The following POU2F1 variants were observed in gnomAD, a reference collection of about 807,000 sequenced individuals.
POU2F1 encodes the protein POU domain, class 2, transcription factor 1.
POU2F1 carries 16 observed loss-of-function variants against 84.9 expected under a neutral mutation model. That is an observed-to-expected ratio of 0.19 (90% CI 0.13 to 0.29). The LOEUF is 0.29. POU2F1 is among the 10% of genes least tolerant of loss of function. POU2F1 has a pLI of 1.00. For synonymous variants in POU2F1, 368 were observed against 368.3 expected (o/e 1.00, Z 0.01); for missense variants, 738 against 942.6 (o/e 0.78, Z 2.84).
intron 2 of POU2F1, among the ~76,000 whole-genome samples, chr1:167,364,355 C>T (rs976992385): frequency 6.6e-6 from 1 of 150,538 alleles, no homozygotes; most frequent in Non-Finnish European, 1.5e-5. Flanking sequence ...ACGGTGAAAC[C>T]CCGTCTCTAC....
At chr1:167,369,099 CT>C (rs907188303) in intron 3 of POU2F1, among the ~76,000 whole-genome samples, 1 of 152,152 alleles carries the variant, frequency 6.6e-6, no homozygotes, top group African/African-American at 2.4e-5. Flanking sequence ...TTTATAGTCT[CT>C]TTCTCCCTCC....
chr1:167,240,258 A>G lies in POU2F1; in HGVS notation c.61+19300A>G, dbSNP rs1649801899. Among the ~76,000 whole-genome samples the G allele has an allele frequency of 2.0e-5, 3 of 152,236 alleles. No individual in the cohort carries two copies. The South Asian group carries it at 6.2e-4, about 32-fold the overall frequency. On this transcript the variant is annotated intron_variant, in intron 1 of 15. Transcript: ENST00000367866. ...AATTCATGTAGAATAAGGGCTGTGA[A>G]GATATGAACCCTGACTAGAAGCCTC...
intron 3 of POU2F1, among the ~76,000 whole-genome samples, chr1:167,368,563 T>C (rs939251385): frequency 6.6e-6 from 1 of 152,134 alleles, no homozygotes; most frequent in Admixed American, 6.6e-5. Flanking sequence ...TCACATAAAA[T>C]TTTTATCTTC....
intron 4 of POU2F1, 24 bp downstream of exon 4, chr1:167,370,238 GGTCAA>G: frequency 6.4e-7 from 1 of 1,559,914 alleles, no homozygotes; most frequent in Non-Finnish European, 8.7e-7. Context: ...TGGGATTATG[GGTCAA>G]TCTTTTATTT....
chr1:167,268,346 T>C (rs1652127324), intron 1 of POU2F1, among the ~76,000 whole-genome samples: 1 of 152,216 alleles, frequency 6.6e-6, no homozygotes, highest in African/African-American at 2.4e-5. Flanking sequence ...GCAGTAGAAC[T>C]AATTTTTTCA....
chr1:167,285,490 G>A (rs1326499795), intron 1 of POU2F1, among the ~76,000 whole-genome samples: 1 of 152,124 alleles, frequency 6.6e-6, no homozygotes, highest in Non-Finnish European at 1.5e-5. Flanking sequence ...TACTTGGGAG[G>A]CTGAAGCAGG....
chr1:167,335,540 A>C (rs1219191581), intron 2 of POU2F1, among the ~76,000 whole-genome samples: 5 of 152,194 alleles, frequency 3.3e-5, no homozygotes, highest in African/African-American at 9.7e-5. Flanking sequence ...TGGGGAGAAG[A>C]AGCAAATATT....
chr1:167,259,097 T>C (rs1201626010), intron 1 of POU2F1, among the ~76,000 whole-genome samples: 1 of 152,196 alleles, frequency 6.6e-6, no homozygotes, highest in Non-Finnish European at 1.5e-5. Context: ...GGCCGAAGTT[T>C]GTGTAGGCTA....
chr1:167,405,409 G>A (rs908294252), intron 13 of POU2F1, among the ~76,000 whole-genome samples: 1 of 152,042 alleles, frequency 6.6e-6, no homozygotes, highest in Admixed American at 6.6e-5. Flanking sequence ...CATGTGCAGT[G>A]GCTTATGCCT....
chr1:167,302,027 C>G (rs1359750252), intron 1 of POU2F1, among the ~76,000 whole-genome samples: 1 of 152,018 alleles, frequency 6.6e-6, no homozygotes, highest in Non-Finnish European at 1.5e-5. Flanking sequence ...GTATGAGCCT[C>G]TATGCTCCCC....
chr1:167,375,461 G>A (rs1660258359), intron 6 of POU2F1, among the ~76,000 whole-genome samples: 1 of 152,140 alleles, frequency 6.6e-6, no homozygotes, highest in South Asian at 2.1e-4. Context: ...AATGTAAGGT[G>A]CTATTGTTGT....
At chr1:167,225,855 T>C (rs542107036) in intron 1 of POU2F1, among the ~76,000 whole-genome samples, 1 of 152,334 alleles carries the variant, frequency 6.6e-6, no homozygotes, top group South Asian at 2.1e-4. Flanking sequence ...TGAAACCCCA[T>C]AGTTGTAATC....
At chr1:167,272,345 G>T (rs1225014503) in intron 1 of POU2F1, among the ~76,000 whole-genome samples, 27 of 92,942 alleles carry the variant, frequency 2.9e-4, no homozygotes, top group Admixed American at 5.7e-4. Flanking sequence ...GGCTGGGAAT[G>T]TTCTTACTCT....
At chr1:167,340,424 T>C (rs946494876) in intron 2 of POU2F1, among the ~76,000 whole-genome samples, 10 of 140,632 alleles carry the variant, frequency 7.1e-5, no homozygotes, top group African/African-American at 3.0e-4. Context: ...TTCTTTTTTC[T>C]TTTTTTCTTT....
At chr1:167,287,112 C>G (rs1653583812) in intron 1 of POU2F1, among the ~76,000 whole-genome samples, 1 of 152,136 alleles carries the variant, frequency 6.6e-6, no homozygotes, top group East Asian at 1.9e-4. Context: ...ACTTTATACT[C>G]TTAGTAAAAG....
At chr1:167,370,086 CTTTA>C (rs1659913287) in intron 3 of POU2F1, 71 bp from the exon 4 acceptor site, 2 of 1,292,850 alleles carry the variant, frequency 1.5e-6, no homozygotes, top group Non-Finnish European at 2.2e-6. Flanking sequence ...ACATAGTAGA[CTTTA>C]TTTAGTGATG....
chr1:167,359,164 G>T (rs1462517687), intron 2 of POU2F1, among the ~76,000 whole-genome samples: 1 of 149,464 alleles, frequency 6.7e-6, no homozygotes, highest in Non-Finnish European at 1.5e-5. Flanking sequence ...CTCATCCCTG[G>T]CTCCTGAAAC....
Position 167,415,633 on chromosome 1 carries a change from C to T in POU2F1, c.2124C>T (p.Leu708=), listed in dbSNP as rs903089959. 1.2e-6 allele frequency: 2 copies of T among 1,614,102 alleles called. No homozygotes were observed. Among genetic ancestry groups the T allele is most frequent in the African/African-American group, 2.7e-5 (2 of 74,924 alleles). Residue 708 remains leucine, a synonymous_variant, in exon 16 of 16, where the codon CTC becomes CTT. Transcript: ENST00000367866. ...TGAACCCTCAGAACCTCTCTCTGCT[C>T]ACCAGCAACCCTGTTAGCTTGGTCT... ...LFLNPQNLSL[L]TSNPVSLVSA...
chr1:167,351,341 G>A (rs1016399095), intron 2 of POU2F1, among the ~76,000 whole-genome samples: 1 of 151,722 alleles, frequency 6.6e-6, no homozygotes, highest in Non-Finnish European at 1.5e-5. Context: ...GGCAACAAGA[G>A]CGAAACTCTG....
Sources: allele counts gnomAD v4.1 joint callset (sites outside exome capture counted in the v4.1 genomes callset), GRCh38; gene constraint gnomAD v4.1.1; transcripts MANE v1.5; gene names NCBI Gene and HGNC (gene_info 2026-07-23, HGNC 2026-07-21).